The following BNC2 variants were observed in gnomAD, a reference collection of about 807,000 sequenced individuals.
The protein encoded by BNC2 is basonuclin zinc finger protein 2.
In BNC2, 20 loss-of-function variants were observed where a neutral mutation model predicts 76.3. The ratio of observed to expected loss-of-function variants is 0.26; its 90% CI spans 0.18 to 0.38. BNC2 has a LOEUF of 0.38. Among genes scored for constraint, BNC2 ranks in the 10% least tolerant of loss-of-function variants. BNC2 has a pLI of 1.00. For synonymous variants in BNC2, 582 were observed against 514.8 expected, an observed-to-expected ratio of 1.13 and a Z score of -1.77; for missense variants, 1,382 against 1,399.8, an observed-to-expected ratio of 0.99 and a Z score of 0.20.
chr9:16,671,257 C>A (rs947018620), intron 3 of BNC2, among the ~76,000 whole-genome samples: 3 of 152,080 alleles, frequency 2.0e-5, no homozygotes, highest in African/African-American at 7.2e-5. Context: ...CACATCGGCT[C>A]CTCCTAAAAG....
chr9:16,439,543 T>C (rs540202684), intron 5 of BNC2, among the ~76,000 whole-genome samples: 1 of 152,318 alleles, frequency 6.6e-6, no homozygotes, highest in South Asian at 2.1e-4. Context: ...CTGTGCTTTA[T>C]GTAGGATGTT....
chr9:16,840,913 T>C (rs570251499), intron 1 of BNC2, among the ~76,000 whole-genome samples: 50 of 152,358 alleles, frequency 3.3e-4, no homozygotes, highest in South Asian at 1.0e-3. Flanking sequence ...CAGGCCTAAC[T>C]GTAGATAATA....
In BNC2 at chr9:16,765,871, C is replaced by T. The variant is rs527475110; in HGVS notation, c.4-27386G>A. Among the ~76,000 whole-genome samples, 13 of 151,682 alleles carry T rather than the reference C, an allele frequency of 8.6e-5. 1 individual carries two copies. The South Asian group carries it at 2.7e-3, about 32-fold the overall frequency. The stretch of plus-strand genomic sequence containing the variant: ...GCACGATCTCGGCTCACTGCAAGCT[C>T]TGCCTCCCGGGTTCACGCCATTCTC... On this transcript the variant is annotated intron_variant, in intron 1 of 6. Coordinates refer to ENST00000380672, the MANE Select transcript of BNC2 (RefSeq NM_017637.6).
chr9:16,525,033 A>G (rs1817751232), intron 5 of BNC2, among the ~76,000 whole-genome samples: 1 of 144,996 alleles, frequency 6.9e-6, no homozygotes, highest in African/African-American at 2.5e-5. Context: ...TGATAGCGCC[A>G]CTGCACTCCA....
chr9:16,548,802 A>C (rs986260788), intron 5 of BNC2, among the ~76,000 whole-genome samples: 1 of 152,228 alleles, frequency 6.6e-6, no homozygotes, highest in African/African-American at 2.4e-5. Flanking sequence ...TTTCTGGAAA[A>C]TGCTTAAAAG....
chr9:16,812,417 G>A (rs1818075826), intron 1 of BNC2, among the ~76,000 whole-genome samples: 1 of 152,200 alleles, frequency 6.6e-6, no homozygotes, highest in Non-Finnish European at 1.5e-5. Context: ...CAAAAAGAAA[G>A]CAAGGCCAGA....
intron 5 of BNC2, among the ~76,000 whole-genome samples, chr9:16,468,856 C>T (rs1298518699): frequency 6.6e-6 from 1 of 152,176 alleles, no homozygotes; most frequent in Non-Finnish European, 1.5e-5. Flanking sequence ...GGTGCATACT[C>T]ATATACCTCT....
intron 5 of BNC2, among the ~76,000 whole-genome samples, chr9:16,541,092 G>A (rs1818306792): frequency 6.6e-6 from 1 of 152,154 alleles, no homozygotes; most frequent in Non-Finnish European, 1.5e-5. Context: ...GGTGCCCTAG[G>A]TCTGGCAGGA....
intron 5 of BNC2, among the ~76,000 whole-genome samples, chr9:16,489,210 G>T (rs1308640588): frequency 2.6e-5 from 4 of 152,078 alleles, no homozygotes; most frequent in Non-Finnish European, 5.9e-5. Flanking sequence ...TTTAAATTTG[G>T]TTTTTGTAAT....
chr9:16,638,241 T>C (rs770984528), intron 3 of BNC2, among the ~76,000 whole-genome samples: 16 of 152,128 alleles, frequency 1.1e-4, no homozygotes, highest in Non-Finnish European at 2.1e-4. Flanking sequence ...CCATTTCCTA[T>C]CTCATCTGAA....
intron 3 of BNC2, among the ~76,000 whole-genome samples, chr9:16,717,512 G>T (rs1007429583): frequency 1.3e-5 from 2 of 152,118 alleles, no homozygotes; most frequent in African/African-American, 4.8e-5. Flanking sequence ...TCCCTACCAT[G>T]ATGTGATGAC....
chr9:16,833,229 T>C (rs1203097777), intron 1 of BNC2, among the ~76,000 whole-genome samples: 2 of 152,178 alleles, frequency 1.3e-5, no homozygotes, highest in African/African-American at 4.8e-5. Context: ...AGACGATGAA[T>C]AAGATCTTCT....
intron 5 of BNC2, among the ~76,000 whole-genome samples, chr9:16,517,779 G>A (rs1587123611): frequency 6.6e-6 from 1 of 152,078 alleles, no homozygotes; most frequent in Non-Finnish European, 1.5e-5. Context: ...ACAGTAAATT[G>A]TAGGTTCCAT....
At chr9:16,545,137 C>T (rs1007471089) in intron 5 of BNC2, among the ~76,000 whole-genome samples, 3 of 152,106 alleles carry the variant, frequency 2.0e-5, no homozygotes, top group Admixed American at 6.6e-5. Flanking sequence ...TACATATATA[C>T]GTGTGTATGT....
chr9:16,579,414 T>G (rs765201357), intron 4 of BNC2, among the ~76,000 whole-genome samples: 1 of 151,984 alleles, frequency 6.6e-6, no homozygotes, highest in Non-Finnish European at 1.5e-5. Flanking sequence ...TTCAAAGTAG[T>G]TGGGACCGAG....
In BNC2 at chr9:16,780,153, G is replaced by A. The variant is rs181999321; in HGVS notation, c.4-41668C>T. Among the ~76,000 whole-genome samples the A allele has an allele frequency of 1.5e-4, 22 of 143,562 alleles. No homozygotes were observed. In the South Asian group the frequency reaches 2.9e-3, roughly 19 times the overall value. 94.2% of individuals were successfully genotyped at this position (143,562 alleles called of 152,430 possible). ...AGGGAGGCTGAGGTAGGAGAATGGCGCGAACCTGGGAGGCGGAGCTTGCAG... is the reference window on the plus strand; with the variant it reads ...AGGGAGGCTGAGGTAGGAGAATGGCACGAACCTGGGAGGCGGAGCTTGCAG... On this transcript the variant is annotated intron_variant, in intron 1 of 6. Coordinates refer to ENST00000380672, the MANE Select transcript of BNC2 (RefSeq NM_017637.6).
intron 5 of BNC2, among the ~76,000 whole-genome samples, chr9:16,525,998 TTTC>T (rs1482405442): frequency 6.6e-6 from 1 of 152,168 alleles, no homozygotes; most frequent in East Asian, 1.9e-4. Context: ...ATACTTTTTG[TTTC>T]TTATTTTATC....
intron 3 of BNC2, among the ~76,000 whole-genome samples, chr9:16,721,763 G>A (rs1226026768): frequency 1.3e-5 from 2 of 152,094 alleles, no homozygotes; most frequent in South Asian, 2.1e-4. Context: ...CAACCTACCC[G>A]ATTCACTCTG....
intron 1 of BNC2, among the ~76,000 whole-genome samples, chr9:16,797,539 C>T (rs1193952163): frequency 6.6e-6 from 1 of 152,090 alleles, no homozygotes; most frequent in Non-Finnish European, 1.5e-5. Context: ...TAAAATGAAA[C>T]CTCGTTGGCC....
Sources: gnomAD v4.1 joint callset for allele counts (sites outside exome capture counted in the v4.1 genomes callset) on GRCh38, gnomAD v4.1.1 for gene constraint, MANE v1.5 for transcripts, NCBI Gene and HGNC (gene_info 2026-07-23, HGNC 2026-07-21) for gene names.